The following IBTK variants were observed in gnomAD, a reference collection of about 807,000 sequenced individuals.
IBTK encodes the protein BTK-binding protein.
In IBTK, 83 loss-of-function variants were observed where a neutral mutation model predicts 154.9. The observed-to-expected ratio is 0.54, with a 90% CI of 0.45 to 0.64. The LOEUF (loss-of-function observed/expected upper bound fraction) is 0.64. IBTK is among the 30% of genes least tolerant of loss of function. The probability of loss-of-function intolerance (pLI) is 0.00; values close to 1 mark genes in which losing one functional copy is unlikely to be tolerated. For missense variants in IBTK, 1,332 were observed against 1,584.6 expected, an observed-to-expected ratio of 0.84 and a Z score of 2.71; for synonymous variants, 515 against 536.1, an observed-to-expected ratio of 0.96 and a Z score of 0.54.
chr6:82,216,122 G>C lies in IBTK; in HGVS notation c.1555C>G (p.Pro519Ala). The C allele has an allele frequency of 1.2e-6, 2 of 1,612,708 alleles. No homozygotes were observed. Among genetic ancestry groups the C allele is most frequent in the Non-Finnish European group, 1.7e-6 (2 of 1,179,626 alleles). ...AGGATTGCAAAGTTGCATCCACTTG[G>C]ATCTGTGCTGACACTAACAGCTCTA... ...AHRAVSVSTD[P>A]SGCNFAILQS... Residue 519 changes from proline to alanine, a missense_variant, in exon 11 of 29, where the codon CCA becomes GCA. Pro to Ala is a conservative substitution (Grantham distance 27, BLOSUM62 -1). This residue lies in a region of IBTK where 1,134 missense variants were observed against 1,274.7 expected (regional missense o/e 0.89). Coordinates refer to ENST00000306270, the MANE Select transcript of IBTK (RefSeq NM_015525.4).
rs1769164467 is a variant in IBTK, at chr6:82,200,569, AAAAAG to A, written c.2912+13_2912+17del. The A allele has an allele frequency of 6.6e-7, 1 of 1,514,186 alleles. No individual in the cohort carries two copies. 93.8% of individuals were successfully genotyped at this position (1,514,186 alleles called of 1,614,324 possible). A position where few individuals can be genotyped will look rare whatever the true frequency, so the allele number is the denominator to read the frequency against. ...GAAGAAAAGGAGGAAAAGAAAAAAA[AAAAAG>A]AAAACAGCTTACGAATGATTTTGTT... On this transcript the variant is annotated intron_variant, in intron 20 of 28. Transcript: ENST00000306270.
At chr6:82,187,873 G>A (rs1049704877) in intron 25 of IBTK, among the ~76,000 whole-genome samples, 2 of 152,120 alleles carry the variant, frequency 1.3e-5, no homozygotes, top group Non-Finnish European at 2.9e-5. Context: ...AGAGGATGGC[G>A]GGAGTGAACT....
At chr6:82,202,499 C>T (rs762268709) in intron 18 of IBTK, 29 bp downstream of exon 18, 8 of 1,177,726 alleles carry the variant, frequency 6.8e-6, no homozygotes, top group Non-Finnish European at 1.0e-5. Context: ...CCTTTTGCAA[C>T]AATCTTACAA....
intron 2 of IBTK, among the ~76,000 whole-genome samples, chr6:82,238,674 C>T (rs1373196462): frequency 6.6e-6 from 1 of 152,068 alleles, no homozygotes; most frequent in Non-Finnish European, 1.5e-5. Context: ...CTCCTGATCT[C>T]AGGTGATCCA....
chr6:82,226,952 T>C (rs1267935021), intron 5 of IBTK, among the ~76,000 whole-genome samples: 1 of 152,204 alleles, frequency 6.6e-6, no homozygotes, highest in Non-Finnish European at 1.5e-5. Context: ...TTAAAGCTTA[T>C]GTAACGCTCC....
chr6:82,202,969 T>C (rs774373464), intron 17 of IBTK, among the ~76,000 whole-genome samples: 1 of 152,148 alleles, frequency 6.6e-6, no homozygotes, highest in Non-Finnish European at 1.5e-5. Flanking sequence ...TTTCTGAATA[T>C]TTTTAAAAAG....
At chr6:82,181,214 A>AC (rs1562070948) in intron 26 of IBTK, among the ~76,000 whole-genome samples, 1 of 151,858 alleles carries the variant, frequency 6.6e-6, no homozygotes, top group Non-Finnish European at 1.5e-5. Flanking sequence ...ACATAATGAG[A>AC]CCCCCATCTC....
intron 6 of IBTK, among the ~76,000 whole-genome samples, chr6:82,224,878 CT>C (rs1483980212): frequency 6.6e-6 from 1 of 152,176 alleles, no homozygotes; most frequent in Non-Finnish European, 1.5e-5. Context: ...CTGGACCTCC[CT>C]TTGCTTATGA....
At chr6:82,188,663 T>C (rs1768642119) in intron 25 of IBTK, among the ~76,000 whole-genome samples, 2 of 152,070 alleles carry the variant, frequency 1.3e-5, no homozygotes, top group African/African-American at 4.8e-5. Flanking sequence ...AAAAAAGCTC[T>C]TGATAAAGAT....
In IBTK at chr6:82,240,307, G is replaced by A. The variant is rs1425995397; in HGVS notation, c.180C>T (p.Ser60=). The part of the protein sequence containing the change: ...VFGRNALHLV[S]SCGKKGVLDW... ...CTAACACTCCTTTCTTTCCACAGGA[G>A]GAAACAAGGTGGAGGGCATTCCTGC... The change falls in exon 2 of 29, where the codon TCC becomes TCT. Residue 60 remains serine, a synonymous_variant. Transcript: ENST00000306270. 2 of 1,614,170 alleles carry A rather than the reference G, an allele frequency of 1.2e-6. No homozygotes were observed. Among genetic ancestry groups the A allele is most frequent in the South Asian group, 1.1e-5 (1 of 91,080 alleles).
In IBTK at chr6:82,171,184, T is replaced by C. The variant is rs1201354715; in HGVS notation, c.*241A>G. The C allele has an allele frequency of 3.8e-6, 1 of 260,296 alleles. No individual in the cohort carries two copies. The highest frequency in any genetic ancestry group is 2.2e-5 in the African/African-American group (1 of 44,622). 16.1% of individuals were successfully genotyped at this position (260,296 alleles called of 1,614,324 possible). On this transcript the variant is annotated 3_prime_UTR_variant, in exon 29 of 29. Coordinates refer to ENST00000306270, the MANE Select transcript of IBTK (RefSeq NM_015525.4). ...TGTTAGATTATTCAGAAGAAACAATTCTATTTAACCTTAATAAGTTTTTGT... is the reference window on the plus strand; with the variant it reads ...TGTTAGATTATTCAGAAGAAACAATCCTATTTAACCTTAATAAGTTTTTGT...
rs905749715 is a variant in IBTK, at chr6:82,170,543, G to C, written c.*882C>G. The C allele has an allele frequency of 2.0e-5, 3 of 152,132 alleles. No individual in the cohort carries two copies. Among genetic ancestry groups the C allele is most frequent in the East Asian group, 1.9e-4 (1 of 5,202 alleles). 9.4% of individuals were successfully genotyped at this position (152,132 alleles called of 1,614,324 possible). A position where few individuals can be genotyped will look rare whatever the true frequency, so the allele number is the denominator to read the frequency against. ...TGTCTAGATATACAATTGAGGTTCA[G>C]AGAACTTCTGATTATACAGTATTGT... On this transcript the variant is annotated 3_prime_UTR_variant, in exon 29 of 29. Coordinates refer to ENST00000306270, the MANE Select transcript of IBTK (RefSeq NM_015525.4).
Position 82,220,729 on chromosome 6 carries a change from A to AC in IBTK, c.1125-17_1125-16insG, listed in dbSNP as rs779957328. 21 of 1,552,838 alleles carry AC rather than the reference A, an allele frequency of 1.4e-5. No homozygotes were observed. Among genetic ancestry groups the AC allele is most frequent in the Middle Eastern group, 3.5e-4 (2 of 5,788 alleles). Reference sequence around the variant, plus strand: ...GTTCAACTGTCTAGATGAAAAAAAAAAAAATCCTAGATTAATATGTTCTCT... The same window carrying AC: ...GTTCAACTGTCTAGATGAAAAAAAAACAAAATCCTAGATTAATATGTTCTCT... On this transcript the variant is annotated splice_polypyrimidine_tract_variant and intron_variant, in intron 8 of 28. Transcript: ENST00000306270.
At chr6:82,177,249 G>A (rs1020586197) in intron 26 of IBTK, among the ~76,000 whole-genome samples, 30 of 151,736 alleles carry the variant, frequency 2.0e-4, no homozygotes, top group Admixed American at 3.3e-4. Context: ...TCACTCTGTC[G>A]CTCAGGCTGG....
At chr6:82,176,230 A>G (rs1421742024) in intron 26 of IBTK, among the ~76,000 whole-genome samples, 1 of 151,924 alleles carries the variant, frequency 6.6e-6, no homozygotes, top group Admixed American at 6.6e-5. Flanking sequence ...CACTAATTAG[A>G]AACACAAGCT....
At chr6:82,239,059 T>C (rs1299952713) in intron 2 of IBTK, among the ~76,000 whole-genome samples, 1 of 152,028 alleles carries the variant, frequency 6.6e-6, no homozygotes, top group East Asian at 1.9e-4. Context: ...TTAGAGCTTA[T>C]AAACACCGTA....
chr6:82,242,894 G>A (rs553576753), intron 1 of IBTK, among the ~76,000 whole-genome samples: 13 of 151,070 alleles, frequency 8.6e-5, no homozygotes, highest in Non-Finnish European at 1.8e-4. Flanking sequence ...CCGAGATCCC[G>A]CCACCGCACT....
chr6:82,216,382 A>T, intron 10 of IBTK, 132 bp from the exon 11 acceptor site: 1 of 624,592 alleles, frequency 1.6e-6, no homozygotes, highest in Non-Finnish European at 2.7e-6. Flanking sequence ...GTGTTTTTGA[A>T]GAACTACATC....
chr6:82,238,761 C>G (rs538118357), intron 2 of IBTK, among the ~76,000 whole-genome samples: 39 of 151,776 alleles, frequency 2.6e-4, no homozygotes, highest in Non-Finnish European at 4.3e-4. Context: ...TTTTTTGAGA[C>G]AGAGTCTCAC....
Sources: allele counts gnomAD v4.1 joint callset (sites outside exome capture counted in the v4.1 genomes callset), GRCh38; gene constraint gnomAD v4.1.1; regional missense constraint gnomAD v4.1.1; transcripts MANE v1.5; gene names NCBI Gene and HGNC (gene_info 2026-07-23, HGNC 2026-07-21).